Variants in SVIL observed in about 807,000 individuals in gnomAD.
The protein encoded by SVIL is archvillin.
In SVIL, 101 loss-of-function variants were observed where a neutral mutation model predicts 240.4. That is an observed-to-expected ratio of 0.42 (90% CI 0.36 to 0.50). The LOEUF is 0.50. Among genes scored for constraint, SVIL ranks in the 20% least tolerant of loss-of-function variants. The pLI is 0.01. For missense variants in SVIL, 2,512 were observed against 2,818.7 expected (o/e 0.89, Z 2.46); for synonymous variants, 999 against 1,100.0 (o/e 0.91, Z 1.82).
chr10:29,490,510 G>A (rs1448282434), intron 22 of SVIL, among the ~76,000 whole-genome samples: 2 of 150,626 alleles, frequency 1.3e-5, no homozygotes, highest in Non-Finnish European at 3.0e-5. Flanking sequence ...CACTTTGGGA[G>A]ATCAAGGTGG....
At chr10:29,510,388 C>T (rs1389058278) in intron 17 of SVIL, among the ~76,000 whole-genome samples, 1 of 151,962 alleles carries the variant, frequency 6.6e-6, no homozygotes, top group Non-Finnish European at 1.5e-5. Context: ...TCTATTTTTA[C>T]AGGATGGTGC....
intron 1 of SVIL, among the ~76,000 whole-genome samples, chr10:29,717,960 T>G (rs1013802383): frequency 6.6e-6 from 1 of 152,174 alleles, no homozygotes; most frequent in Admixed American, 6.5e-5. Flanking sequence ...TCATTAATAT[T>G]TTTACATTGA....
At chr10:29,645,274 A>G (rs1158916837) in intron 3 of SVIL, among the ~76,000 whole-genome samples, 2 of 152,138 alleles carry the variant, frequency 1.3e-5, no homozygotes, top group African/African-American at 4.8e-5. Flanking sequence ...TGAGGGGGAA[A>G]AAAAGAAGGA....
intron 17 of SVIL, among the ~76,000 whole-genome samples, chr10:29,505,936 G>C (rs1383460332): frequency 6.6e-6 from 1 of 152,164 alleles, no homozygotes; most frequent in Non-Finnish European, 1.5e-5. Context: ...TCAAGTCCCT[G>C]ATGTAAAATG....
intron 29 of SVIL, among the ~76,000 whole-genome samples, chr10:29,478,319 A>G (rs1386456848): frequency 6.6e-6 from 1 of 152,236 alleles, no homozygotes; most frequent in Non-Finnish European, 1.5e-5. Flanking sequence ...CTTGTCTTCA[A>G]GTTAAAAACA....
chr10:29,491,112 T>A (rs113293105), intron 21 of SVIL, 93 bp from the exon 22 acceptor site: 3 of 1,397,450 alleles, frequency 2.1e-6, no homozygotes, highest in Non-Finnish European at 2.8e-6. Context: ...ATTTCCTGAT[T>A]TTGTTACAAA....
intron 1 of SVIL, among the ~76,000 whole-genome samples, chr10:29,586,427 T>C (rs1956168608): frequency 6.6e-6 from 1 of 152,158 alleles, no homozygotes; most frequent in African/African-American, 2.4e-5. Flanking sequence ...ATACATGAGC[T>C]ATACCATTCT....
intron 21 of SVIL, among the ~76,000 whole-genome samples, chr10:29,491,466 G>A (rs970191048): frequency 5.9e-5 from 9 of 152,094 alleles, no homozygotes; most frequent in East Asian, 3.9e-4. Flanking sequence ...CTCTTCGCTC[G>A]GCCTAAACTT....
intron 1 of SVIL, among the ~76,000 whole-genome samples, chr10:29,632,478 A>ACG: frequency 6.6e-6 from 1 of 151,156 alleles, no homozygotes; most frequent in African/African-American, 2.4e-5. Flanking sequence ...GCAACAGAGC[A>ACG]AGACTCCATC....
intron 6 of SVIL, among the ~76,000 whole-genome samples, chr10:29,537,780 C>T (rs564119658): frequency 4.5e-4 from 68 of 152,322 alleles, no homozygotes; most frequent in African/African-American, 1.5e-3. Context: ...GTACGTCTTG[C>T]TGTAACCACT....
chr10:29,476,852 G>C (rs566005052), intron 29 of SVIL, among the ~76,000 whole-genome samples: 42 of 152,040 alleles, frequency 2.8e-4, no homozygotes, highest in African/African-American at 1.0e-3. Flanking sequence ...ATTTTTAGTA[G>C]TAAGAACTTC....
intron 1 of SVIL, among the ~76,000 whole-genome samples, chr10:29,587,276 C>A (rs189822227): frequency 3.0e-4 from 45 of 152,320 alleles, no homozygotes; most frequent in African/African-American, 1.0e-3. Context: ...TACTAGGCCA[C>A]GTCTCCGGGG....
At chr10:29,463,941 T>C (rs541930588) in intron 34 of SVIL, among the ~76,000 whole-genome samples, 11 of 152,310 alleles carry the variant, frequency 7.2e-5, no homozygotes, top group Middle Eastern at 3.4e-3. Flanking sequence ...CCCTTCTGGA[T>C]ACTGGCAGGG....
At chr10:29,478,893 C>G (rs868670984) in intron 29 of SVIL, among the ~76,000 whole-genome samples, 1 of 139,218 alleles carries the variant, frequency 7.2e-6, no homozygotes, top group Non-Finnish European at 1.5e-5. Flanking sequence ...CCATTGCACT[C>G]CAGCTTGGAA....
intron 17 of SVIL, among the ~76,000 whole-genome samples, chr10:29,509,707 G>A (rs1184802876): frequency 2.0e-5 from 3 of 152,122 alleles, no homozygotes; most frequent in Non-Finnish European, 4.4e-5. Flanking sequence ...AAAATTAGCT[G>A]GGCATGGTGG....
intron 1 of SVIL, among the ~76,000 whole-genome samples, chr10:29,571,612 A>C (rs1330630084): frequency 2.0e-5 from 3 of 152,220 alleles, no homozygotes; most frequent in Non-Finnish European, 4.4e-5. Context: ...ATATTACTAG[A>C]GATTCAAAAT....
intron 34 of SVIL, among the ~76,000 whole-genome samples, chr10:29,464,932 C>T (rs1944715846): frequency 6.6e-6 from 1 of 152,186 alleles, no homozygotes; most frequent in Non-Finnish European, 1.5e-5. Context: ...AGAGCCCTGA[C>T]CTTGGGATCA....
At chr10:29,730,038 C>T (rs1268194624) in intron 1 of SVIL, among the ~76,000 whole-genome samples, 5 of 146,590 alleles carry the variant, frequency 3.4e-5, no homozygotes, top group Non-Finnish European at 6.0e-5. Flanking sequence ...ATTAGCTGGG[C>T]GTGGTGGTGC....
At chr10:29,590,235 C>A (rs963506336) in intron 1 of SVIL, among the ~76,000 whole-genome samples, 15 of 148,568 alleles carry the variant, frequency 1.0e-4, no homozygotes, top group African/African-American at 3.5e-4. Context: ...CCCTGGGACT[C>A]TCTCCTTAAT....
Sources: gnomAD v4.1 joint callset for allele counts (sites outside exome capture counted in the v4.1 genomes callset) on GRCh38, gnomAD v4.1.1 for gene constraint, MANE v1.5 for transcripts, NCBI Gene and HGNC (gene_info 2026-07-23, HGNC 2026-07-21) for gene names.